Variants in SPATA18 observed in about 807,000 individuals in gnomAD.
The protein encoded by SPATA18 is spermatogenesis associated 18.
In SPATA18, 54 loss-of-function variants were observed where a neutral mutation model predicts 68.1. The ratio of observed to expected loss-of-function variants is 0.79; its 90% CI spans 0.64 to 0.99. The LOEUF (loss-of-function observed/expected upper bound fraction) is 0.99. Ranked by LOEUF, SPATA18 falls within the 50% of genes least tolerant of loss-of-function variation. SPATA18 has a pLI of 0.00. For synonymous variants in SPATA18, 242 were observed against 244.8 expected (o/e 0.99, Z 0.11); for missense variants, 724 against 681.1 (o/e 1.06, Z -0.70).
At chr4:52,086,513 G>A (rs1162690101) in intron 11 of SPATA18, among the ~76,000 whole-genome samples, 1 of 152,136 alleles carries the variant, frequency 6.6e-6, no homozygotes, top group African/African-American at 2.4e-5. Flanking sequence ...AGAACATGTG[G>A]TGTTTGGTTT....
chr4:52,077,255 C>T (rs1740465254), intron 7 of SPATA18, among the ~76,000 whole-genome samples: 1 of 145,192 alleles, frequency 6.9e-6, no homozygotes, highest in African/African-American at 2.5e-5. Context: ...TCCCTCCATC[C>T]CTCCCTCCCT....
intron 1 of SPATA18, among the ~76,000 whole-genome samples, chr4:52,052,276 C>T (rs1430531889): frequency 6.6e-6 from 1 of 152,160 alleles, no homozygotes; most frequent in Admixed American, 6.5e-5. Flanking sequence ...GTTATTTACC[C>T]AGAAATCAGC....
intron 6 of SPATA18, 34 bp downstream of exon 6, chr4:52,072,190 G>T (rs1739919811): frequency 6.2e-7 from 1 of 1,608,664 alleles, no homozygotes; most frequent in Non-Finnish European, 8.5e-7. Context: ...TCTCATTTAG[G>T]CTCTTTTTGC....
intron 11 of SPATA18, among the ~76,000 whole-genome samples, chr4:52,089,024 T>C (rs1238923044): frequency 1.3e-5 from 2 of 152,194 alleles, no homozygotes; most frequent in Admixed American, 6.5e-5. Flanking sequence ...GGTGTATGTG[T>C]CCAGGAATTT....
intron 1 of SPATA18, among the ~76,000 whole-genome samples, chr4:52,058,626 A>G (rs1738558413): frequency 6.6e-6 from 1 of 152,082 alleles, no homozygotes; most frequent in Non-Finnish European, 1.5e-5. Flanking sequence ...TGCTTCCCTG[A>G]ATCTTATAAC....
intron 3 of SPATA18, 51 bp downstream of exon 3, chr4:52,060,948 G>A (rs1024111093): frequency 2.1e-6 from 3 of 1,408,514 alleles, no homozygotes; most frequent in Non-Finnish European, 3.0e-6. Context: ...GAGATAAAAC[G>A]AATCAGAAAC....
At chr4:52,089,117 T>A (rs1741713712) in intron 11 of SPATA18, among the ~76,000 whole-genome samples, 1 of 152,010 alleles carries the variant, frequency 6.6e-6, no homozygotes, top group Non-Finnish European at 1.5e-5. Flanking sequence ...TTCTGTGGGA[T>A]CAGTGATGAT....
In SPATA18 at chr4:52,079,884, A is replaced by C; in HGVS notation, c.1320A>C (p.Ala440=). The change falls in exon 9 of 13, where the codon GCA becomes GCC. Residue 440 remains alanine (A), a synonymous_variant. Coordinates refer to ENST00000295213, the MANE Select transcript of SPATA18 (RefSeq NM_145263.4). ...CCTTAGAACCACCCCTAGATATTGC[A>C]TATGGAGCAGATGGAGAAGTTTTTA... ...MQALEPPLDI[A]YGADGEVFND... 1 of 1,613,706 alleles carries C rather than the reference A, an allele frequency of 6.2e-7. No homozygotes were observed. The highest frequency in any genetic ancestry group is 8.5e-7 in the Non-Finnish European group (1 of 1,179,816).
At chr4:52,071,791 A>G in intron 5 of SPATA18, 126 bp from the exon 6 acceptor site, 1 of 940,406 alleles carries the variant, frequency 1.1e-6, no homozygotes, top group Non-Finnish European at 1.6e-6. Flanking sequence ...TCCCAATGCA[A>G]TAATGGCAGG....
chr4:52,056,922 G>A (rs1005909368), intron 1 of SPATA18, among the ~76,000 whole-genome samples: 2 of 152,054 alleles, frequency 1.3e-5, no homozygotes, highest in African/African-American at 4.8e-5. Context: ...CCTTAATGTG[G>A]CAAGTCAAGT....
intron 10 of SPATA18, among the ~76,000 whole-genome samples, chr4:52,083,884 G>A (rs1229555780): frequency 6.6e-6 from 1 of 151,782 alleles, no homozygotes; most frequent in Non-Finnish European, 1.5e-5. Context: ...GGGATTACAG[G>A]TGCATGCCAC....
intron 4 of SPATA18, among the ~76,000 whole-genome samples, chr4:52,066,617 GCC>G (rs1739336644): frequency 6.6e-6 from 1 of 152,076 alleles, no homozygotes; most frequent in African/African-American, 2.4e-5. Context: ...TAGATATTAA[GCC>G]CCACATGCAT....
chr4:52,084,010 A>T (rs1397756536), intron 10 of SPATA18, among the ~76,000 whole-genome samples: 1 of 150,882 alleles, frequency 6.6e-6, no homozygotes, highest in Non-Finnish European at 1.5e-5. Context: ...AAGTGCTGCG[A>T]TTACAGGCAT....
In SPATA18 at chr4:52,051,719, G is replaced by A. The variant is rs752654644; in HGVS notation, c.15G>A (p.Leu5=). The change falls in exon 1 of 13, where the codon CTG becomes CTA. Residue 5 remains leucine, a synonymous_variant. Transcript: ENST00000295213. MAEN[L]KRLVSNETLR... The stretch of plus-strand genomic sequence containing the variant: ...AATAGTGAGCGATGGCGGAAAACCT[G>A]AAAAGACTGGTCTCAAACGAAACTT... 4 of 1,614,230 alleles carry A rather than the reference G, an allele frequency of 2.5e-6. No individual in the cohort carries two copies. The highest frequency in any genetic ancestry group is 2.2e-5 in the South Asian group (2 of 91,088).
At position 52,095,880 on chromosome 4, in the gene SPATA18, C is replaced by A. The variant is rs960106782; in HGVS notation, c.*993C>A. ...ACTGTCAAATACTTTTGAAACTTCA[C>A]GTTCAAGATAAGAATGGAATGTTGC... On this transcript the variant is annotated 3_prime_UTR_variant, in exon 13 of 13. Coordinates refer to ENST00000295213, the MANE Select transcript of SPATA18 (RefSeq NM_145263.4). 6.6e-6 allele frequency: 1 copy of A among 152,168 alleles called. No individual in the cohort carries two copies. The highest frequency in any genetic ancestry group is 2.4e-5 in the African/African-American group (1 of 41,442). 9.4% of individuals were successfully genotyped at this position (152,168 alleles called of 1,614,324 possible).
rs375028648 is a variant in SPATA18, at chr4:52,062,345, C to A, written c.422+13C>A. On this transcript the variant is annotated intron_variant, in intron 4 of 12. Coordinates refer to ENST00000295213, the MANE Select transcript of SPATA18 (RefSeq NM_145263.4). ...AGGTTCAAGACGAGTAAGAGGAATGCAAGTTATCTTTTTCCAAAAAGAATT... is the reference window on the plus strand; with the variant it reads ...AGGTTCAAGACGAGTAAGAGGAATGAAAGTTATCTTTTTCCAAAAAGAATT... 4.5e-4 allele frequency: 675 copies of A among 1,509,176 alleles called. 4 individuals are homozygous for A. In the Middle Eastern group the frequency reaches 8.3e-3, roughly 18 times the overall value. 93.5% of individuals were successfully genotyped at this position (1,509,176 alleles called of 1,614,324 possible).
At chr4:52,057,683 C>A (rs762735378) in intron 1 of SPATA18, among the ~76,000 whole-genome samples, 6 of 152,170 alleles carry the variant, frequency 3.9e-5, no homozygotes, top group Non-Finnish European at 8.8e-5. Context: ...ATTTAAATGT[C>A]TTTTCTAAGG....
intron 6 of SPATA18, among the ~76,000 whole-genome samples, chr4:52,074,079 G>A (rs535440610): frequency 6.6e-6 from 1 of 152,286 alleles, no homozygotes; most frequent in African/African-American, 2.4e-5. Context: ...TCCCCAAGGG[G>A]CAAGAGTTGC....
rs1738942686 is a variant in SPATA18 at position 52,062,337 on chromosome 4, G to C, written c.422+5G>C. On this transcript the variant is annotated splice_donor_5th_base_variant and intron_variant, in intron 4 of 12. Coordinates refer to ENST00000295213, the MANE Select transcript of SPATA18 (RefSeq NM_145263.4). ...ATGCAACCAGGTTCAAGACGAGTAA[G>C]AGGAATGCAAGTTATCTTTTTCCAA... The C allele has an allele frequency of 6.4e-7, 1 of 1,559,892 alleles. No homozygotes were observed. The highest frequency in any genetic ancestry group is 8.8e-7 in the Non-Finnish European group (1 of 1,142,502).
Sources: gnomAD v4.1 joint callset for allele counts (sites outside exome capture counted in the v4.1 genomes callset) on GRCh38, gnomAD v4.1.1 for gene constraint, MANE v1.5 for transcripts, NCBI Gene and HGNC (gene_info 2026-07-23, HGNC 2026-07-21) for gene names.